NLGN1: variants seen among roughly 807,000 people sequenced by gnomAD.
NLGN1 encodes neuroligin-1.
In NLGN1, 12 loss-of-function variants were observed where a neutral mutation model predicts 65.5. The observed-to-expected ratio is 0.18, with a 90% CI of 0.12 to 0.30. The LOEUF (loss-of-function observed/expected upper bound fraction) is 0.30, where lower values mean the gene tolerates loss of function less well. NLGN1 is among the 10% of genes least tolerant of loss of function. The pLI, the probability that NLGN1 is intolerant of heterozygous loss-of-function variation, is 1.00. For synonymous variants in NLGN1, 350 were observed against 359.5 expected, an observed-to-expected ratio of 0.97 and a Z score of 0.30; for missense variants, 750 against 1,007.1, an observed-to-expected ratio of 0.74 and a Z score of 3.46.
chr3:173,495,490 A>G (rs1408580068), intron 2 of NLGN1, among the ~76,000 whole-genome samples: 3 of 151,460 alleles, frequency 2.0e-5, no homozygotes, highest in African/African-American at 4.9e-5. Context: ...TCTTATTGCA[A>G]TGAGTATGGC....
At chr3:173,799,644 G>A (rs1244808487) in intron 3 of NLGN1, among the ~76,000 whole-genome samples, 1 of 151,886 alleles carries the variant, frequency 6.6e-6, no homozygotes, top group Non-Finnish European at 1.5e-5. Flanking sequence ...ACTATTTAGT[G>A]ATACATTTGT....
At chr3:173,641,131 A>G (rs1268997614) in intron 3 of NLGN1, among the ~76,000 whole-genome samples, 1 of 152,200 alleles carries the variant, frequency 6.6e-6, no homozygotes, top group Non-Finnish European at 1.5e-5. Flanking sequence ...ACTAGAGGAT[A>G]TGAAGCAAAT....
chr3:174,167,611 A>T (rs1727754378), intron 4 of NLGN1, among the ~76,000 whole-genome samples: 1 of 140,366 alleles, frequency 7.1e-6, no homozygotes. Flanking sequence ...TTTTTTTTTA[A>T]CCTAGTTGCC....
chr3:173,839,368 A>G lies in NLGN1; in HGVS notation c.646+31536A>G, dbSNP rs375231976. Among the ~76,000 whole-genome samples the G allele has an allele frequency of 9.9e-5, 15 of 152,076 alleles. No individual in the cohort carries two copies. The East Asian group carries it at 2.5e-3, about 25-fold the overall frequency. ...TGAACTAGGCCATGTTCTCAGCAAG[A>G]TAAGATCCTGAACATCCTCAGAGAA... On this transcript the variant is annotated intron_variant, in intron 4 of 6. Coordinates refer to ENST00000457714, the Ensembl canonical transcript of NLGN1.
intron 4 of NLGN1, among the ~76,000 whole-genome samples, chr3:174,271,285 A>G (rs1228298908): frequency 1.5e-5 from 2 of 134,114 alleles, no homozygotes; most frequent in Non-Finnish European, 3.2e-5. Context: ...TGTCATCTCA[A>G]ATGTAAACAG....
At chr3:173,913,340 TTTGATAC>T (rs1740016997) in intron 4 of NLGN1, among the ~76,000 whole-genome samples, 1 of 152,154 alleles carries the variant, frequency 6.6e-6, no homozygotes, top group African/African-American at 2.4e-5. Context: ...GATTTAGATG[TTTGATAC>T]CCTGGCATGT....
chr3:174,189,323 T>TGAGCATAGCTCAC (rs1731965154), intron 4 of NLGN1, among the ~76,000 whole-genome samples: 1 of 151,956 alleles, frequency 6.6e-6, no homozygotes, highest in Non-Finnish European at 1.5e-5. Context: ...ATAGAAGAAT[T>TGAGCATAGCTCAC]ATGGAAGAAG....
intron 4 of NLGN1, among the ~76,000 whole-genome samples, chr3:173,815,559 C>T (rs1450345107): frequency 6.6e-6 from 1 of 152,050 alleles, no homozygotes; most frequent in African/African-American, 2.4e-5. Flanking sequence ...CTGCTTGTTT[C>T]GTGGTATCAC....
chr3:173,876,829 A>G (rs1732202268), intron 4 of NLGN1, among the ~76,000 whole-genome samples: 1 of 152,184 alleles, frequency 6.6e-6, no homozygotes, highest in African/African-American at 2.4e-5. Context: ...ATGAATACAT[A>G]CTGACAAAAA....
chr3:173,769,458 T>C (rs1263664626), intron 3 of NLGN1, among the ~76,000 whole-genome samples: 1 of 152,184 alleles, frequency 6.6e-6, no homozygotes, highest in Non-Finnish European at 1.5e-5. Flanking sequence ...ACACTCTTTC[T>C]CATAGCCGAT....
At chr3:173,658,539 A>G (rs1254323024) in intron 3 of NLGN1, among the ~76,000 whole-genome samples, 1 of 152,074 alleles carries the variant, frequency 6.6e-6, no homozygotes, top group African/African-American at 2.4e-5. Flanking sequence ...AATAGCATAG[A>G]ACTATCCTTC....
At chr3:174,245,854 GA>G (rs975063739) in intron 4 of NLGN1, among the ~76,000 whole-genome samples, 1 of 152,078 alleles carries the variant, frequency 6.6e-6, no homozygotes, top group Admixed American at 6.5e-5. Flanking sequence ...CTATTAGATG[GA>G]AAGGTTACCT....
At chr3:173,919,707 A>G (rs1741559963) in intron 4 of NLGN1, among the ~76,000 whole-genome samples, 1 of 152,320 alleles carries the variant, frequency 6.6e-6, no homozygotes, top group African/African-American at 2.4e-5. Flanking sequence ...TCTATATTAT[A>G]TTAAATGGCT....
At chr3:174,092,342 G>T (rs1018903726) in intron 4 of NLGN1, among the ~76,000 whole-genome samples, 2 of 152,136 alleles carry the variant, frequency 1.3e-5, no homozygotes, top group African/African-American at 4.8e-5. Context: ...TGGGGAACAG[G>T]TACTGTAGGT....
intron 4 of NLGN1, among the ~76,000 whole-genome samples, chr3:173,993,863 A>G (rs1169427374): frequency 6.6e-6 from 1 of 151,806 alleles, no homozygotes; most frequent in Non-Finnish European, 1.5e-5. Context: ...ACATACATGC[A>G]TTTGGTATGT....
chr3:173,897,400 G>A (rs1736530641), intron 4 of NLGN1, among the ~76,000 whole-genome samples: 1 of 152,100 alleles, frequency 6.6e-6, no homozygotes, highest in Non-Finnish European at 1.5e-5. Context: ...CTATTGCCTT[G>A]TTTAGTTCCT....
chr3:173,724,228 A>G (rs1425241872), intron 3 of NLGN1, among the ~76,000 whole-genome samples: 2 of 152,212 alleles, frequency 1.3e-5, no homozygotes, highest in Non-Finnish European at 2.9e-5. Context: ...GTTTAATATT[A>G]TGAAACAGGA....
At chr3:174,060,587 C>A (rs1163462084) in intron 4 of NLGN1, among the ~76,000 whole-genome samples, 1 of 152,030 alleles carries the variant, frequency 6.6e-6, no homozygotes, top group Non-Finnish European at 1.5e-5. Flanking sequence ...TTGCCACATC[C>A]CATCTTGCCC....
At chr3:173,642,971 A>T (rs1757650652) in intron 3 of NLGN1, among the ~76,000 whole-genome samples, 1 of 152,178 alleles carries the variant, frequency 6.6e-6, no homozygotes, top group Admixed American at 6.5e-5. Flanking sequence ...TAAATATAAA[A>T]TGTGTATATA....
Sources: gnomAD v4.1 joint callset for allele counts (sites outside exome capture counted in the v4.1 genomes callset) on GRCh38, gnomAD v4.1.1 for gene constraint, MANE v1.5 for transcripts, NCBI Gene and HGNC (gene_info 2026-07-23, HGNC 2026-07-21) for gene names.